GPC5: variants seen among roughly 807,000 people sequenced by gnomAD.
The protein encoded by GPC5 is glypican-5.
Under a neutral mutation model 53.9 loss-of-function variants are expected in GPC5, and 47 were observed. The observed-to-expected ratio is 0.87, with a 90% CI of 0.69 to 1.11. The LOEUF is 1.11. GPC5 is among the 50% of genes most tolerant of loss of function. The pLI is 0.00. For synonymous variants in GPC5, 286 were observed against 263.3 expected (o/e 1.09, Z -0.84); for missense variants, 748 against 713.1 (o/e 1.05, Z -0.56).
At chr13:92,239,460 C>T (rs368968237) in intron 7 of GPC5, among the ~76,000 whole-genome samples, 8 of 152,062 alleles carry the variant, frequency 5.3e-5, no homozygotes, top group African/African-American at 1.7e-4. Context: ...TGTTATTAAA[C>T]CATCCATAGT....
intron 7 of GPC5, among the ~76,000 whole-genome samples, chr13:92,145,344 G>A (rs898367766): frequency 1.3e-5 from 2 of 151,810 alleles, no homozygotes; most frequent in Non-Finnish European, 2.9e-5. Flanking sequence ...ATCAAATTGT[G>A]CAATTAAAAA....
intron 2 of GPC5, among the ~76,000 whole-genome samples, chr13:91,514,521 A>T (rs1232205328): frequency 1.3e-5 from 2 of 152,124 alleles, no homozygotes; most frequent in African/African-American, 2.4e-5. Flanking sequence ...AAAGTCCTTT[A>T]TGCATTGGAG....
At chr13:92,213,365 A>C (rs1004539518) in intron 7 of GPC5, among the ~76,000 whole-genome samples, 3 of 152,204 alleles carry the variant, frequency 2.0e-5, no homozygotes, top group African/African-American at 7.2e-5. Context: ...TGCAGTGACT[A>C]GAAGGACAGC....
At chr13:92,514,366 T>C (rs764457500) in intron 7 of GPC5, among the ~76,000 whole-genome samples, 2 of 152,130 alleles carry the variant, frequency 1.3e-5, no homozygotes, top group Non-Finnish European at 2.9e-5. Context: ...GAACGCTGAA[T>C]ATTTATCAGA....
chr13:91,798,748 G>T (rs1466762841), intron 5 of GPC5, among the ~76,000 whole-genome samples: 6 of 151,938 alleles, frequency 3.9e-5, no homozygotes, highest in Non-Finnish European at 7.4e-5. Context: ...CAAATTGCTG[G>T]GTCAAATGGT....
chr13:91,413,323 A>G (rs917113159), intron 1 of GPC5, among the ~76,000 whole-genome samples: 1 of 152,098 alleles, frequency 6.6e-6, no homozygotes. Flanking sequence ...TTAAGACATC[A>G]TTGAAAGGAA....
intron 7 of GPC5, among the ~76,000 whole-genome samples, chr13:92,454,933 A>C (rs981303987): frequency 6.6e-6 from 1 of 152,260 alleles, no homozygotes; most frequent in Non-Finnish European, 1.5e-5. Flanking sequence ...TAACAAGAAC[A>C]TAGGCTATTA....
At chr13:91,476,102 G>A (rs559098634) in intron 2 of GPC5, among the ~76,000 whole-genome samples, 1 of 152,282 alleles carries the variant, frequency 6.6e-6, no homozygotes, top group South Asian at 2.1e-4. Context: ...TTGACACTGG[G>A]ACCAGGTAAT....
intron 7 of GPC5, among the ~76,000 whole-genome samples, chr13:92,426,978 C>T (rs183873691): frequency 6.6e-5 from 10 of 151,956 alleles, no homozygotes; most frequent in East Asian, 5.8e-4. Context: ...TGATGAGAGA[C>T]GAATCTGTTC....
intron 7 of GPC5, among the ~76,000 whole-genome samples, chr13:92,428,403 A>G (rs1335302287): frequency 1.3e-5 from 2 of 152,116 alleles, no homozygotes; most frequent in African/African-American, 2.4e-5. Context: ...GCCTTTTTAT[A>G]GTATCCACCC....
intron 7 of GPC5, among the ~76,000 whole-genome samples, chr13:92,351,627 T>C (rs531868431): frequency 1.1e-4 from 16 of 152,220 alleles, no homozygotes; most frequent in African/African-American, 3.8e-4. Flanking sequence ...TTATTTGATA[T>C]AATACAAGTG....
intron 5 of GPC5, among the ~76,000 whole-genome samples, chr13:91,777,574 C>T (rs182331534): frequency 7.9e-5 from 12 of 152,222 alleles, no homozygotes; most frequent in Admixed American, 4.6e-4. Flanking sequence ...GAGTATGTTC[C>T]GTGAAGGCGC....
At chr13:92,129,991 A>G (rs527687191) in intron 6 of GPC5, among the ~76,000 whole-genome samples, 10 of 152,266 alleles carry the variant, frequency 6.6e-5, no homozygotes, top group South Asian at 6.2e-4. Flanking sequence ...CCTAAGGAAC[A>G]TAATACAAAT....
intron 7 of GPC5, among the ~76,000 whole-genome samples, chr13:92,406,482 T>A (rs935514611): frequency 6.6e-6 from 1 of 152,154 alleles, no homozygotes; most frequent in Non-Finnish European, 1.5e-5. Context: ...ATTTTACAAC[T>A]GGGAAAAAGA....
At position 91,634,038 on chromosome 13, in the gene GPC5, A is replaced by G. The variant is rs184069980; in HGVS notation, c.326-59149A>G. Among the ~76,000 whole-genome samples, 549 of 152,216 alleles carry G rather than the reference A, an allele frequency of 3.6e-3. 4 individuals are homozygous for G. Among genetic ancestry groups the G allele is most frequent in the African/African-American group, 0.013 (523 of 41,550 alleles). The stretch of plus-strand genomic sequence containing the variant: ...TTTGCTCTCCATCTGCCTGACTCCT[A>G]AGATTATCTCTCAGTTGGTGTCAAG... On this transcript the variant is annotated intron_variant, in intron 2 of 7. Transcript: ENST00000377067.
In GPC5 at chr13:91,611,268, G is replaced by C. The variant is rs1566551269; in HGVS notation, c.326-81919G>C. Among the ~76,000 whole-genome samples, 3 of 152,184 alleles carry C rather than the reference G, an allele frequency of 2.0e-5. No homozygotes were observed. The South Asian group carries it at 6.2e-4, about 31-fold the overall frequency. The stretch of plus-strand genomic sequence containing the variant: ...CAAGCAATTAGGAAACATCTTTTCT[G>C]TATGAATTTCTTATAACAACTCTCG... On this transcript the variant is annotated intron_variant, in intron 2 of 7. Coordinates refer to ENST00000377067, the MANE Select transcript of GPC5 (RefSeq NM_004466.6).
At chr13:92,741,731 C>T (rs1021146526) in intron 7 of GPC5, among the ~76,000 whole-genome samples, 6 of 152,102 alleles carry the variant, frequency 3.9e-5, no homozygotes, top group African/African-American at 1.4e-4. Context: ...TGCTATCCCT[C>T]CCCTCTCCCC....
At chr13:92,515,760 T>A (rs1033552179) in intron 7 of GPC5, among the ~76,000 whole-genome samples, 4 of 152,132 alleles carry the variant, frequency 2.6e-5, no homozygotes, top group African/African-American at 9.7e-5. Context: ...CAATTATTGG[T>A]TTTTTGTGTT....
chr13:92,622,471 C>T (rs1435982209), intron 7 of GPC5, among the ~76,000 whole-genome samples: 1 of 152,190 alleles, frequency 6.6e-6, no homozygotes, highest in Non-Finnish European at 1.5e-5. Flanking sequence ...CTGTTCCCTA[C>T]TAGGACCTCG....
Sources: gnomAD v4.1 joint callset for allele counts (sites outside exome capture counted in the v4.1 genomes callset) on GRCh38, gnomAD v4.1.1 for gene constraint, MANE v1.5 for transcripts, NCBI Gene and HGNC (gene_info 2026-07-23, HGNC 2026-07-21) for gene names.